APOD: variants seen among roughly 807,000 people sequenced by gnomAD.
APOD encodes apolipoprotein D.
Under a neutral mutation model 20.4 loss-of-function variants are expected in APOD, and 22 were observed. The observed-to-expected ratio is 1.08, with a 90% CI of 0.77 to 1.54. The LOEUF is 1.54. Among genes scored for constraint, APOD ranks in the 40% most tolerant of loss-of-function variants. The pLI, the probability that APOD is intolerant of heterozygous loss-of-function variation, is 0.00. For synonymous variants in APOD, 97 were observed against 92.4 expected (o/e 1.05, Z -0.29); for missense variants, 223 against 229.6 (o/e 0.97, Z 0.19).
At chr3:195,574,899 CTATT>C (rs1720224750) in intron 2 of APOD, among the ~76,000 whole-genome samples, 2 of 152,150 alleles carry the variant, frequency 1.3e-5, no homozygotes, top group South Asian at 4.1e-4. Flanking sequence ...AATAGTGTAT[CTATT>C]AAGGCACCTT....
At chr3:195,573,993 C>A in intron 2 of APOD, 22 bp from the exon 3 acceptor site, 1 of 1,612,488 alleles carries the variant, frequency 6.2e-7, no homozygotes, top group Non-Finnish European at 8.5e-7. Flanking sequence ...ACAAGCAGAG[C>A]AAAACCCTGT....
intron 3 of APOD, among the ~76,000 whole-genome samples, chr3:195,572,085 C>T (rs1720170754): frequency 2.0e-5 from 3 of 152,208 alleles, no homozygotes; most frequent in African/African-American, 7.2e-5. Flanking sequence ...CTGGCAGATT[C>T]ACTTCTTTTT....
At chr3:195,571,120 C>A in intron 4 of APOD, 157 bp downstream of exon 4, 1 of 709,076 alleles carries the variant, frequency 1.4e-6, no homozygotes, top group East Asian at 2.6e-5. Context: ...CATGGCAACC[C>A]TAGTGCGTGA....
At chr3:195,572,200 A>T (rs920807115) in intron 3 of APOD, among the ~76,000 whole-genome samples, 4 of 152,260 alleles carry the variant, frequency 2.6e-5, no homozygotes, top group African/African-American at 9.6e-5. Flanking sequence ...CCTCAGTGAT[A>T]TCATGTGACA....
chr3:195,572,020 A>G (rs1253698635), intron 3 of APOD, among the ~76,000 whole-genome samples: 2 of 152,204 alleles, frequency 1.3e-5, no homozygotes, highest in Non-Finnish European at 2.9e-5. Context: ...ACCTCAGGCA[A>G]TCTACCTGCC....
intron 1 of APOD, among the ~76,000 whole-genome samples, chr3:195,582,169 G>C (rs1404890767): frequency 6.6e-6 from 1 of 152,056 alleles, no homozygotes; most frequent in Non-Finnish European, 1.5e-5. Context: ...ACTCCAGCCT[G>C]GGCAACAAGA....
intron 2 of APOD, among the ~76,000 whole-genome samples, chr3:195,575,350 G>A (rs990871745): frequency 4.6e-5 from 7 of 152,116 alleles, no homozygotes; most frequent in African/African-American, 1.4e-4. Context: ...TCATAACTTC[G>A]ATCACATTTG....
chr3:195,571,835 A>C (rs1159576512), intron 3 of APOD, among the ~76,000 whole-genome samples: 2 of 150,858 alleles, frequency 1.3e-5, no homozygotes, highest in Non-Finnish European at 2.9e-5. Context: ...GCTGGAGTGC[A>C]GTGGTGCGAT....
intron 3 of APOD, among the ~76,000 whole-genome samples, chr3:195,573,436 G>C (rs1255715375): frequency 6.6e-6 from 1 of 152,226 alleles, no homozygotes; most frequent in African/African-American, 2.4e-5. Context: ...CTTTCTGATA[G>C]ATTAAGCTGC....
chr3:195,569,123 G>A lies in APOD; in HGVS notation c.347C>T (p.Ala116Val). 1 of 1,613,968 alleles carries A rather than the reference G, an allele frequency of 6.2e-7. No individual in the cohort carries two copies. The highest frequency in any genetic ancestry group is 8.5e-7 in the Non-Finnish European group (1 of 1,179,872). ...EVKFSWFMPS[A>V]PYWILATDYE... ...GTCGGTGGCCAGGATCCAGTACGGT[G>A]CCGATGGCATAACTGAGAACCAGAG... Residue 116 changes from alanine to valine, a missense_variant, in exon 5 of 5, where the codon GCA (alanine) becomes GTA (valine). By Grantham distance (64) the Ala-to-Val change is moderately conservative. Coordinates refer to ENST00000343267, the MANE Select transcript of APOD (RefSeq NM_001647.4).
chr3:195,581,489 T>C (rs1252110646), intron 1 of APOD, among the ~76,000 whole-genome samples: 1 of 152,158 alleles, frequency 6.6e-6, no homozygotes, highest in Non-Finnish European at 1.5e-5. Flanking sequence ...ACTATGCACA[T>C]TCCACAAGGT....
At chr3:195,579,699 C>T (rs1720303121) in intron 1 of APOD, among the ~76,000 whole-genome samples, 1 of 152,160 alleles carries the variant, frequency 6.6e-6, no homozygotes, top group African/African-American at 2.4e-5. Context: ...TGCACCTCCA[C>T]GAGGGCGCTC....
chr3:195,577,901 G>T (rs1473994449), intron 2 of APOD, among the ~76,000 whole-genome samples: 1 of 152,210 alleles, frequency 6.6e-6, no homozygotes, highest in Non-Finnish European at 1.5e-5. Context: ...GGCTGGAAGG[G>T]TTGGAGGGGA....
At chr3:195,582,116 C>G (rs898773988) in intron 1 of APOD, among the ~76,000 whole-genome samples, 1 of 152,112 alleles carries the variant, frequency 6.6e-6, no homozygotes, top group Non-Finnish European at 1.5e-5. Flanking sequence ...ATTGCTTGAA[C>G]CCGGGAGGTG....
chr3:195,575,926 T>C (rs1720240459), intron 2 of APOD, among the ~76,000 whole-genome samples: 1 of 152,078 alleles, frequency 6.6e-6, no homozygotes, highest in Non-Finnish European at 1.5e-5. Flanking sequence ...GCGCCTGGCC[T>C]ATTCTAGAAA....
chr3:195,569,786 G>GGTTTTTT (rs1720126677), intron 4 of APOD, among the ~76,000 whole-genome samples: 5 of 54,044 alleles, frequency 9.3e-5, no homozygotes, highest in African/African-American at 3.3e-4. Context: ...CTTCTTCTTC[G>GGTTTTTT]TTTTTTTTTT....
chr3:195,574,089 T>C, intron 2 of APOD, 118 bp from the exon 3 acceptor site: 2 of 1,395,070 alleles, frequency 1.4e-6, no homozygotes, highest in Non-Finnish European at 1.9e-6. Flanking sequence ...ATGGGCCTCA[T>C]TGTTCCCAGT....
At chr3:195,581,562 G>C (rs1393712271) in intron 1 of APOD, among the ~76,000 whole-genome samples, 1 of 152,148 alleles carries the variant, frequency 6.6e-6, no homozygotes. Context: ...TGTACAGATG[G>C]GGAAGCTGGG....
chr3:195,573,123 T>C (rs2108968550), intron 3 of APOD, among the ~76,000 whole-genome samples: 1 of 152,324 alleles, frequency 6.6e-6, no homozygotes, highest in East Asian at 1.9e-4. Flanking sequence ...GATTCTGCCC[T>C]TTTCACCGTC....
Sources: gnomAD v4.1 joint callset for allele counts (sites outside exome capture counted in the v4.1 genomes callset) on GRCh38, gnomAD v4.1.1 for gene constraint, MANE v1.5 for transcripts, NCBI Gene and HGNC (gene_info 2026-07-23, HGNC 2026-07-21) for gene names.